The following RXRG variants were observed in gnomAD, a reference collection of about 807,000 sequenced individuals.
RXRG encodes the protein retinoic acid receptor RXR-gamma.
Under a neutral mutation model 49.2 loss-of-function variants are expected in RXRG, and 19 were observed. The ratio of observed to expected loss-of-function variants is 0.39; its 90% CI spans 0.27 to 0.57. The LOEUF is 0.57. RXRG is among the 20% of genes least tolerant of loss of function. The pLI, the probability that RXRG is intolerant of heterozygous loss-of-function variation, is 0.64. For missense variants in RXRG, 452 were observed against 592.5 expected (o/e 0.76, Z 2.46); for synonymous variants, 224 against 216.6 (o/e 1.03, Z -0.30).
rs1354801795 is a variant in RXRG, at chr1:165,428,700, G to A, written c.297+19C>T. 1 of 1,568,690 alleles carries A rather than the reference G, an allele frequency of 6.4e-7. No individual in the cohort carries two copies. The highest frequency in any genetic ancestry group is 2.3e-5 in the East Asian group (1 of 44,278). On this transcript the variant is annotated intron_variant, in intron 2 of 9. Coordinates refer to ENST00000359842, the MANE Select transcript of RXRG (RefSeq NM_006917.5). ...CATGTAAGATGGCTGGAAAGGCCTT[G>A]GAGAGGAAGAACACTTACCTGAGAG... is the stretch of plus-strand genomic sequence containing the variant.
intron 2 of RXRG, among the ~76,000 whole-genome samples, chr1:165,425,340 GT>G (rs1294231934): frequency 6.6e-6 from 1 of 152,086 alleles, no homozygotes; most frequent in East Asian, 1.9e-4. Context: ...TATTCCTTAG[GT>G]TTTTGCCTGT....
At chr1:165,441,142 C>G (rs1658970969) in intron 1 of RXRG, among the ~76,000 whole-genome samples, 1 of 152,220 alleles carries the variant, frequency 6.6e-6, no homozygotes, top group Non-Finnish European at 1.5e-5. Flanking sequence ...AGCAACTATT[C>G]TACATGAATG....
rs776585880 is a variant in RXRG at position 165,444,834 on chromosome 1, G to C, written c.49+11C>G. 3.1e-6 allele frequency: 5 copies of C among 1,613,340 alleles called. No homozygotes were observed. The highest frequency in any genetic ancestry group is 3.4e-6 in the Non-Finnish European group (4 of 1,179,272). The stretch of plus-strand genomic sequence containing the variant: ...CAGGTCCACGCAGTGAAGCCCAAGG[G>C]AGATACTTACCTCCATAGCCTGCGG... On this transcript the variant is annotated intron_variant, in intron 1 of 9. Coordinates refer to ENST00000359842, the MANE Select transcript of RXRG (RefSeq NM_006917.5).
chr1:165,435,126 G>T (rs985531888), intron 1 of RXRG, among the ~76,000 whole-genome samples: 2 of 152,174 alleles, frequency 1.3e-5, no homozygotes, highest in African/African-American at 4.8e-5. Context: ...GAGTATTTGG[G>T]ATTTTTGGAT....
At chr1:165,402,369 A>G (rs992546443) in intron 9 of RXRG, among the ~76,000 whole-genome samples, 1 of 152,236 alleles carries the variant, frequency 6.6e-6, no homozygotes, top group South Asian at 2.1e-4. Flanking sequence ...TACAGGCGTG[A>G]GCCACCGCAC....
intron 1 of RXRG, among the ~76,000 whole-genome samples, chr1:165,438,817 T>C (rs1441500107): frequency 1.3e-5 from 2 of 152,230 alleles, no homozygotes; most frequent in East Asian, 3.8e-4. Context: ...AAACTGGTCA[T>C]GGTATAAACT....
In RXRG at chr1:165,419,913, A is replaced by G. The variant is rs543975745; in HGVS notation, c.399T>C (p.Ser133=). 1.2e-6 allele frequency: 2 copies of G among 1,613,322 alleles called. No individual in the cohort carries two copies. Among genetic ancestry groups the G allele is most frequent in the African/African-American group, 2.7e-5 (2 of 74,894 alleles). The change falls in exon 3 of 10, where the codon TCT becomes TCC. Residue 133 remains serine, a synonymous_variant. Transcript: ENST00000359842. ...AGATGGCACAGATGTGTTTAACCAG[A>G]GATCCGGGGCTGGTGGATGGGTAGT... ...NMNYPSTSPG[S]LVKHICAICG...
At chr1:165,436,574 T>C (rs1358357696) in intron 1 of RXRG, among the ~76,000 whole-genome samples, 2 of 152,130 alleles carry the variant, frequency 1.3e-5, no homozygotes, top group Admixed American at 6.5e-5. Flanking sequence ...GCTGACAAAG[T>C]AAATAAGACA....
intron 9 of RXRG, among the ~76,000 whole-genome samples, chr1:165,405,141 G>T (rs539639967): frequency 9.2e-5 from 14 of 152,246 alleles, no homozygotes; most frequent in African/African-American, 2.6e-4. Flanking sequence ...TTTTTTGTTG[G>T]TTTTTTAAGA....
At position 165,410,830 on chromosome 1, in the gene RXRG, G is replaced by T. The variant is rs765794665; in HGVS notation, c.785C>A (p.Thr262Lys). The T allele has an allele frequency of 1.2e-6, 2 of 1,614,102 alleles. No individual in the cohort carries two copies. ...ACATATGTTGGTAACAGGGTCATTT[G>T]TCTGAAAAAGGAACAAAGTACTGTG... ...SYGDMNMENS[T>K]NDPVTNICHA... is the part of the protein sequence containing the mutation. Residue 262 changes from threonine to lysine, a missense_variant and splice_region_variant, in exon 6 of 10, where the codon ACA (threonine) becomes AAA (lysine). Physicochemically the swap from Thr to Lys is moderately conservative, Grantham distance 78. Around this residue, in one of 2 missense-constraint regions of RXRG, gnomAD observed 286 missense variants for 440.9 expected, o/e 0.65. Coordinates refer to ENST00000359842, the MANE Select transcript of RXRG (RefSeq NM_006917.5).
At chr1:165,444,172 C>A (rs1347827266) in intron 1 of RXRG, among the ~76,000 whole-genome samples, 2 of 152,104 alleles carry the variant, frequency 1.3e-5, no homozygotes, top group Non-Finnish European at 2.9e-5. Flanking sequence ...AGAGCCCCAA[C>A]CCCCCATCCC....
At chr1:165,404,544 T>C (rs1303549828) in intron 9 of RXRG, among the ~76,000 whole-genome samples, 2 of 152,208 alleles carry the variant, frequency 1.3e-5, no homozygotes, top group Non-Finnish European at 2.9e-5. Context: ...TGATAATTTG[T>C]AGTTGTCAGT....
intron 1 of RXRG, chr1:165,437,125 G>T (rs1159672793): frequency 7.3e-7 from 1 of 1,367,650 alleles, no homozygotes; most frequent in Non-Finnish European, 9.8e-7. Flanking sequence ...CTCCTGGAGG[G>T]TTCAGGGCTC....
At chr1:165,438,720 C>T (rs1346658416) in intron 1 of RXRG, among the ~76,000 whole-genome samples, 1 of 152,188 alleles carries the variant, frequency 6.6e-6, no homozygotes, top group Non-Finnish European at 1.5e-5. Context: ...TGAGGTGGTT[C>T]TTCAAGTTCT....
At chr1:165,415,131 G>A (rs1051137781) in intron 4 of RXRG, among the ~76,000 whole-genome samples, 3 of 152,100 alleles carry the variant, frequency 2.0e-5, no homozygotes, top group Non-Finnish European at 2.9e-5. Context: ...ATATAACCAG[G>A]CAAGGCTTTA....
At chr1:165,410,451 A>G (rs1657906712) in intron 6 of RXRG, among the ~76,000 whole-genome samples, 2 of 152,218 alleles carry the variant, frequency 1.3e-5, no homozygotes, top group African/African-American at 4.8e-5. Context: ...ATTATCCTCA[A>G]TAAAATGATT....
At chr1:165,405,610 T>C (rs1289928047) in intron 9 of RXRG, among the ~76,000 whole-genome samples, 1 of 152,198 alleles carries the variant, frequency 6.6e-6, no homozygotes, top group Non-Finnish European at 1.5e-5. Context: ...AAACACAGTA[T>C]GGCTCTGGGT....
At chr1:165,424,301 T>C (rs1658413897) in intron 2 of RXRG, among the ~76,000 whole-genome samples, 1 of 152,218 alleles carries the variant, frequency 6.6e-6, no homozygotes, top group South Asian at 2.1e-4. Flanking sequence ...GTTCAATAAA[T>C]GCTTGTTGAA....
At chr1:165,434,302 G>GTGTGTGTGTGTA (rs1421410108) in intron 1 of RXRG, among the ~76,000 whole-genome samples, 2 of 151,970 alleles carry the variant, frequency 1.3e-5, no homozygotes, top group Non-Finnish European at 2.9e-5. Flanking sequence ...GTGTGTGTGT[G>GTGTGTGTGTGTA]TGTGTGTCAG....
Sources: gnomAD v4.1 joint callset for allele counts (sites outside exome capture counted in the v4.1 genomes callset) on GRCh38, gnomAD v4.1.1 for gene constraint, gnomAD v4.1.1 regional missense constraint, MANE v1.5 for transcripts, NCBI Gene and HGNC (gene_info 2026-07-23, HGNC 2026-07-21) for gene names.